Variants in ANKS1B observed in about 807,000 individuals in gnomAD.
ANKS1B encodes the protein ankyrin repeat and sterile alpha motif domain-containing protein 1B.
Under a neutral mutation model 148.3 loss-of-function variants are expected in ANKS1B, and 36 were observed. That is an observed-to-expected ratio of 0.24 (90% confidence interval 0.19 to 0.32). The LOEUF (loss-of-function observed/expected upper bound fraction) is 0.32. Among genes scored for constraint, ANKS1B ranks in the 10% least tolerant of loss-of-function variants. The probability of loss-of-function intolerance (pLI) is 1.00; values close to 1 mark genes in which losing one functional copy is unlikely to be tolerated. For synonymous variants in ANKS1B, 542 were observed against 560.8 expected, an observed-to-expected ratio of 0.97 and a Z score of 0.47; for missense variants, 1,157 against 1,542.6, an observed-to-expected ratio of 0.75 and a Z score of 4.19.
intron 1 of ANKS1B, among the ~76,000 whole-genome samples, chr12:99,833,860 A>C (rs10860531): frequency 7.2e-5 from 11 of 151,886 alleles, no homozygotes; most frequent in African/African-American, 2.7e-4. Flanking sequence ...TATAATACAC[A>C]CATTTTTAAT....
At chr12:99,652,167 C>A (rs1180041604) in intron 9 of ANKS1B, among the ~76,000 whole-genome samples, 1 of 151,824 alleles carries the variant, frequency 6.6e-6, no homozygotes, top group Non-Finnish European at 1.5e-5. Context: ...CACACACACA[C>A]ATTCTTAAGA....
In ANKS1B at chr12:99,806,596, G is replaced by C. The variant is rs775581726; in HGVS notation, c.477C>G (p.Ser159Arg). The change falls in exon 4 of 27, where the codon AGC becomes AGG. Residue 159 changes from serine to arginine, a missense_variant. Physicochemically the swap from Ser to Arg is moderately radical, Grantham distance 110 (BLOSUM62 -1). Coordinates refer to ENST00000683438, the MANE Select transcript of ANKS1B (RefSeq NM_001352186.2). ...CCAAGTCCAAAGGTGTTTCCAGCTTGCTATTTCTAATTGTCGGGTCAGTGA... is the reference window on the plus strand; with the variant it reads ...CCAAGTCCAAAGGTGTTTCCAGCTTCCTATTTCTAATTGTCGGGTCAGTGA... ...EELTDPTIRN[S>R]KLETPLDLAA... is the part of the protein sequence containing the mutation. 1 of 1,613,954 alleles carries C rather than the reference G, an allele frequency of 6.2e-7. No individual in the cohort carries two copies. Among genetic ancestry groups the C allele is most frequent in the Non-Finnish European group, 8.5e-7 (1 of 1,179,882 alleles).
chr12:99,157,346 T>C (rs2076171492), intron 14 of ANKS1B, among the ~76,000 whole-genome samples: 1 of 152,168 alleles, frequency 6.6e-6, no homozygotes, highest in Non-Finnish European at 1.5e-5. Flanking sequence ...TACATGGAAA[T>C]TGAGCAAACA....
chr12:99,822,928 T>C (rs981859052), intron 2 of ANKS1B, among the ~76,000 whole-genome samples: 2 of 152,166 alleles, frequency 1.3e-5, no homozygotes, highest in African/African-American at 4.8e-5. Flanking sequence ...AGCACTCTCT[T>C]CACTCTATAA....
chr12:99,161,883 C>A (rs1256109265), intron 14 of ANKS1B, among the ~76,000 whole-genome samples: 1 of 151,990 alleles, frequency 6.6e-6, no homozygotes. Context: ...CAAAGAGAGC[C>A]CTGCTATAAC....
rs530710304 is a variant in ANKS1B at position 99,768,188 on chromosome 12, T to A, written c.1128+4734A>T. On this transcript the variant is annotated intron_variant, in intron 8 of 26. Transcript: ENST00000683438. Reference sequence around the variant, plus strand: ...ATAACTTTTGGAATTACTTGTCATATCACAATCAGCAAGTTGGATGTTTCA... The same window carrying A: ...ATAACTTTTGGAATTACTTGTCATAACACAATCAGCAAGTTGGATGTTTCA... Among the ~76,000 whole-genome samples, 72 of 152,328 alleles carry A rather than the reference T, an allele frequency of 4.7e-4. 2 individuals carry two copies. In the South Asian group the frequency reaches 0.015, roughly 31 times the overall value.
intron 12 of ANKS1B, among the ~76,000 whole-genome samples, chr12:99,374,999 G>T (rs980984994): frequency 2.0e-5 from 3 of 152,144 alleles, no homozygotes; most frequent in African/African-American, 7.2e-5. Context: ...CTCCCAATGG[G>T]ACACATTCTG....
chr12:99,176,564 T>C (rs539823945), intron 14 of ANKS1B, among the ~76,000 whole-genome samples: 35 of 152,322 alleles, frequency 2.3e-4, no homozygotes, highest in African/African-American at 8.4e-4. Flanking sequence ...ACCAGCTTAC[T>C]GATTGATATA....
chr12:99,569,182 T>TA (rs762157632), intron 9 of ANKS1B, among the ~76,000 whole-genome samples: 2 of 152,238 alleles, frequency 1.3e-5, no homozygotes, highest in Non-Finnish European at 2.9e-5. Context: ...TTAAAAAACA[T>TA]ATATTGTTAA....
intron 2 of ANKS1B, among the ~76,000 whole-genome samples, chr12:99,820,066 A>G (rs2082323051): frequency 6.7e-6 from 1 of 148,990 alleles, no homozygotes; most frequent in South Asian, 2.1e-4. Context: ...ATAGCTCTCT[A>G]CTCTATCTAT....
At chr12:99,897,397 C>G (rs2153753089) in intron 1 of ANKS1B, among the ~76,000 whole-genome samples, 1 of 151,226 alleles carries the variant, frequency 6.6e-6, no homozygotes, top group African/African-American at 2.4e-5. Context: ...ATCATACTAG[C>G]AAATTTGAGC....
intron 8 of ANKS1B, among the ~76,000 whole-genome samples, chr12:99,721,395 C>T (rs940723889): frequency 1.3e-5 from 2 of 152,124 alleles, no homozygotes; most frequent in Admixed American, 6.5e-5. Context: ...TCCAGATGGC[C>T]GGTTCCTGCC....
chr12:99,414,689 A>G (rs1231555815), intron 11 of ANKS1B, among the ~76,000 whole-genome samples: 1 of 152,122 alleles, frequency 6.6e-6, no homozygotes, highest in Non-Finnish European at 1.5e-5. Flanking sequence ...CCAGGGGGTG[A>G]GGGGTTAGGG....
intron 9 of ANKS1B, among the ~76,000 whole-genome samples, chr12:99,524,247 A>G (rs908074099): frequency 6.6e-6 from 1 of 152,232 alleles, no homozygotes; most frequent in African/African-American, 2.4e-5. Context: ...TAAAACGAAG[A>G]TACTTTAGGT....
intron 17 of ANKS1B, among the ~76,000 whole-genome samples, chr12:98,936,719 C>T (rs974390304): frequency 6.6e-6 from 1 of 152,106 alleles, no homozygotes; most frequent in Non-Finnish European, 1.5e-5. Flanking sequence ...AAATATCTCC[C>T]CTACTAGATC....
At chr12:99,025,746 A>G (rs2099948372) in intron 17 of ANKS1B, among the ~76,000 whole-genome samples, 1 of 152,186 alleles carries the variant, frequency 6.6e-6, no homozygotes, top group Non-Finnish European at 1.5e-5. Context: ...ACCTGCAGAG[A>G]AGTTTGAACC....
intron 10 of ANKS1B, among the ~76,000 whole-genome samples, chr12:99,471,617 G>A (rs2096243168): frequency 6.6e-6 from 1 of 151,570 alleles, no homozygotes. Flanking sequence ...TTTGTAATGA[G>A]TAGACATAAA....
chr12:99,019,183 T>C (rs11832488), intron 17 of ANKS1B, among the ~76,000 whole-genome samples: 5,229 of 152,264 alleles, frequency 0.034, 321 homozygotes, highest in African/African-American at 0.12. Flanking sequence ...CTATTCAACA[T>C]TGGCTTCTCC....
rs200197320 is a variant in ANKS1B, at chr12:99,369,849, C to T, written c.1756+29782G>A. Among the ~76,000 whole-genome samples, 1,056 of 145,594 alleles carry T rather than the reference C, an allele frequency of 7.3e-3. 6 individuals carry two copies. Among genetic ancestry groups the T allele is most frequent in the Middle Eastern group, 0.011 (3 of 280 alleles). On this transcript the variant is annotated intron_variant, in intron 12 of 26. Coordinates refer to ENST00000683438, the MANE Select transcript of ANKS1B (RefSeq NM_001352186.2). ...GGACGGATAGACAGACAGACAGAGA[C>T]AGATAGATAGATAGATAGATAGATA...
Sources: gnomAD v4.1 joint callset for allele counts (sites outside exome capture counted in the v4.1 genomes callset) on GRCh38, gnomAD v4.1.1 for gene constraint, MANE v1.5 for transcripts, NCBI Gene and HGNC (gene_info 2026-07-23, HGNC 2026-07-21) for gene names.